The following PRKG1 variants were observed in gnomAD, a reference collection of about 807,000 sequenced individuals.
PRKG1 encodes protein kinase cGMP-dependent 1.
Under a neutral mutation model 88.1 loss-of-function variants are expected in PRKG1, and 35 were observed. That is an observed-to-expected ratio of 0.40 (90% CI 0.30 to 0.53). The LOEUF (loss-of-function observed/expected upper bound fraction) is 0.53. PRKG1 is among the 20% of genes least tolerant of loss of function. The pLI, the probability that PRKG1 is intolerant of heterozygous loss-of-function variation, is 0.59. For missense variants in PRKG1, 540 were observed against 839.8 expected (o/e 0.64, Z 4.41); for synonymous variants, 303 against 292.5 (o/e 1.04, Z -0.37).
At chr10:51,877,066 A>G (rs1275977190) in intron 4 of PRKG1, among the ~76,000 whole-genome samples, 1 of 152,152 alleles carries the variant, frequency 6.6e-6, no homozygotes, top group Non-Finnish European at 1.5e-5. Flanking sequence ...ACACTCTGGC[A>G]GAGTGTCCCT....
intron 5 of PRKG1, among the ~76,000 whole-genome samples, chr10:52,028,068 C>A (rs544880609): frequency 6.6e-4 from 101 of 152,288 alleles, no homozygotes; most frequent in African/African-American, 2.3e-3. Context: ...GGATTACAGG[C>A]ATGAGCCACT....
At chr10:51,608,520 G>T (rs1240015925) in intron 3 of PRKG1, among the ~76,000 whole-genome samples, 1 of 152,172 alleles carries the variant, frequency 6.6e-6, no homozygotes, top group Non-Finnish European at 1.5e-5. Context: ...CTGCTTAAAT[G>T]ATTTTTAAAC....
intron 3 of PRKG1, among the ~76,000 whole-genome samples, chr10:51,563,567 T>G (rs1339074326): frequency 6.6e-6 from 1 of 152,058 alleles, no homozygotes; most frequent in African/African-American, 2.4e-5. Context: ...TAATATTAAG[T>G]AAAGGTTTGA....
chr10:51,677,597 C>T (rs1564602598), intron 3 of PRKG1, among the ~76,000 whole-genome samples: 2 of 152,270 alleles, frequency 1.3e-5, no homozygotes, highest in East Asian at 3.9e-4. Flanking sequence ...TAAATACACT[C>T]GCCAGTGTCT....
chr10:51,075,254 G>A (rs1843919996), intron 1 of PRKG1, among the ~76,000 whole-genome samples: 1 of 152,176 alleles, frequency 6.6e-6, no homozygotes, highest in Non-Finnish European at 1.5e-5. Flanking sequence ...TCTCCCAAAA[G>A]CCCTGGCAAA....
At chr10:52,164,741 CT>C (rs769064996) in intron 9 of PRKG1, among the ~76,000 whole-genome samples, 64 of 152,182 alleles carry the variant, frequency 4.2e-4, no homozygotes, top group Non-Finnish European at 7.4e-4. Context: ...TATGTTTACA[CT>C]TTTTCCCCCA....
intron 2 of PRKG1, among the ~76,000 whole-genome samples, chr10:51,250,474 A>C (rs1839399472): frequency 6.6e-6 from 1 of 151,778 alleles, no homozygotes; most frequent in East Asian, 1.9e-4. Flanking sequence ...AGACTGGTGA[A>C]TTCCCAGTCT....
rs1837181370 is a variant in PRKG1, at chr10:51,733,717, A to G, written c.593-70868A>G. On this transcript the variant is annotated intron_variant, in intron 3 of 17. Transcript: ENST00000373980. ...AAGCAAATCAATACTGAGCTCGGCC[A>G]TAAGTGGATATGATTGCTGGTGTAA... is the stretch of plus-strand genomic sequence containing the variant. Among the ~76,000 whole-genome samples, 4 of 152,220 alleles carry G rather than the reference A, an allele frequency of 2.6e-5. No homozygotes were observed. The South Asian group carries it at 6.2e-4, about 24-fold the overall frequency.
At chr10:52,143,251 AGT>A (rs1350768978) in intron 8 of PRKG1, among the ~76,000 whole-genome samples, 1 of 152,020 alleles carries the variant, frequency 6.6e-6, no homozygotes, top group Non-Finnish European at 1.5e-5. Flanking sequence ...TGAGGCTGAG[AGT>A]TACACCTTGT....
chr10:51,947,595 C>T (rs923144485), intron 5 of PRKG1, among the ~76,000 whole-genome samples: 5 of 152,126 alleles, frequency 3.3e-5, no homozygotes, highest in African/African-American at 9.7e-5. Context: ...TGTTCCTATT[C>T]GGCCATCTTG....
intron 1 of PRKG1, among the ~76,000 whole-genome samples, chr10:51,030,552 G>T (rs1003114116): frequency 6.6e-6 from 1 of 152,138 alleles, no homozygotes; most frequent in African/African-American, 2.4e-5. Context: ...ATGGATTACT[G>T]ATATGGTTTG....
chr10:52,255,590 T>C (rs1841288404), intron 10 of PRKG1, among the ~76,000 whole-genome samples: 1 of 152,030 alleles, frequency 6.6e-6, no homozygotes, highest in Non-Finnish European at 1.5e-5. Context: ...GTGAGCTCTA[T>C]GATTGAAGAT....
chr10:52,168,739 G>A (rs1192407499), intron 9 of PRKG1, among the ~76,000 whole-genome samples: 1 of 152,038 alleles, frequency 6.6e-6, no homozygotes, highest in Non-Finnish European at 1.5e-5. Flanking sequence ...AGATATTTAG[G>A]TGGCAAAGCC....
intron 2 of PRKG1, among the ~76,000 whole-genome samples, chr10:51,394,914 C>T (rs1837535603): frequency 6.6e-6 from 1 of 152,136 alleles, no homozygotes; most frequent in Admixed American, 6.5e-5. Flanking sequence ...GATATATATA[C>T]CATGGATTCT....
chr10:52,129,465 G>A (rs1837196619), intron 7 of PRKG1, among the ~76,000 whole-genome samples: 1 of 152,034 alleles, frequency 6.6e-6, no homozygotes, highest in Admixed American at 6.6e-5. Context: ...ATATACTAAT[G>A]TCAAGGATTA....
intron 5 of PRKG1, among the ~76,000 whole-genome samples, chr10:51,925,714 A>T (rs1328981388): frequency 1.3e-5 from 2 of 152,178 alleles, no homozygotes; most frequent in African/African-American, 4.8e-5. Flanking sequence ...AAGACCCATT[A>T]GAGTTTCTAG....
intron 9 of PRKG1, among the ~76,000 whole-genome samples, chr10:52,186,062 T>C (rs775673928): frequency 5.9e-5 from 9 of 152,204 alleles, no homozygotes; most frequent in Non-Finnish European, 1.3e-4. Flanking sequence ...CTCCTCTGTA[T>C]CAATTTTCTG....
At chr10:52,279,622 G>T (rs1841954356) in intron 12 of PRKG1, among the ~76,000 whole-genome samples, 1 of 151,768 alleles carries the variant, frequency 6.6e-6, no homozygotes, top group South Asian at 2.1e-4. Context: ...ATATTCCACT[G>T]CCCAGTTTGT....
intron 2 of PRKG1, among the ~76,000 whole-genome samples, chr10:51,365,911 A>G (rs1477020206): frequency 1.3e-5 from 2 of 151,078 alleles, no homozygotes; most frequent in East Asian, 3.9e-4. Flanking sequence ...CTCCATCACT[A>G]TACGAAAAAA....
Sources: allele counts gnomAD v4.1 joint callset (sites outside exome capture counted in the v4.1 genomes callset), GRCh38; gene constraint gnomAD v4.1.1; transcripts MANE v1.5; gene names NCBI Gene and HGNC (gene_info 2026-07-23, HGNC 2026-07-21).